Variants in DAAM1 observed in about 807,000 individuals in gnomAD.
DAAM1 encodes dishevelled associated activator of morphogenesis 1.
A neutral mutation model predicts 130.0 loss-of-function variants in DAAM1; 52 were observed. The observed-to-expected ratio is 0.40, with a 90% CI of 0.32 to 0.50. The LOEUF is 0.50. Among genes scored for constraint, DAAM1 ranks in the 20% least tolerant of loss-of-function variants. DAAM1 has a pLI of 0.61. For synonymous variants in DAAM1, 452 were observed against 444.5 expected, an observed-to-expected ratio of 1.02 and a Z score of -0.21; for missense variants, 1,134 against 1,303.8, an observed-to-expected ratio of 0.87 and a Z score of 2.01.
chr14:59,295,622 G>C (rs1382329738), intron 3 of DAAM1, among the ~76,000 whole-genome samples: 1 of 152,200 alleles, frequency 6.6e-6, no homozygotes, highest in Non-Finnish European at 1.5e-5. Context: ...TGGAGAGGCA[G>C]TAGCTTGATC....
At chr14:59,353,726 C>A in intron 18 of DAAM1, 150 bp from the exon 19 acceptor site, 1 of 726,222 alleles carries the variant, frequency 1.4e-6, no homozygotes, top group Non-Finnish European at 2.2e-6. Context: ...GTCCTGTGTT[C>A]CTGTCCATGA....
chr14:59,222,973 G>C (rs984027217), intron 1 of DAAM1, among the ~76,000 whole-genome samples: 5 of 152,220 alleles, frequency 3.3e-5, no homozygotes, highest in Admixed American at 6.5e-5. Context: ...TGTCCTTTGA[G>C]GATGTCACAG....
chr14:59,315,563 C>T (rs1289527594), intron 4 of DAAM1, among the ~76,000 whole-genome samples: 1 of 152,118 alleles, frequency 6.6e-6, no homozygotes, highest in Non-Finnish European at 1.5e-5. Context: ...ATAAAATCAG[C>T]ACACACTGCA....
At chr14:59,227,207 G>A (rs1244789728) in intron 1 of DAAM1, among the ~76,000 whole-genome samples, 1 of 90,510 alleles carries the variant, frequency 1.1e-5, no homozygotes, top group African/African-American at 3.2e-5. Flanking sequence ...CTTTCATAAA[G>A]TGACTTGTGT....
chr14:59,233,355 A>G lies in DAAM1; in HGVS notation c.-37-30086A>G, dbSNP rs1889175011. Reference sequence around the variant, plus strand: ...TCTAACTGGCAAGAGATGGTATCTCATTGTGGGTTTGATTTGCATTTCTCT... The same window carrying G: ...TCTAACTGGCAAGAGATGGTATCTCGTTGTGGGTTTGATTTGCATTTCTCT... On this transcript the variant is annotated intron_variant, in intron 1 of 24. Transcript: ENST00000360909. Among the ~76,000 whole-genome samples the G allele has an allele frequency of 2.0e-5, 3 of 152,124 alleles. No homozygotes were observed. The South Asian group carries it at 6.2e-4, about 32-fold the overall frequency.
chr14:59,197,165 C>T lies in DAAM1; in HGVS notation c.-38+8397C>T, dbSNP rs965144894. Among the ~76,000 whole-genome samples the T allele has an allele frequency of 8.5e-5, 13 of 152,342 alleles. 1 individual carries two copies. The Middle Eastern group carries it at 0.01, about 120-fold the overall frequency. ...TCGATCTCCTGACCTCGTGATCCGC[C>T]CGACTCAGCCTCCCAAAGTGCTGGG... is the stretch of plus-strand genomic sequence containing the variant. On this transcript the variant is annotated intron_variant, in intron 1 of 24. Coordinates refer to ENST00000360909, the MANE Select transcript of DAAM1 (RefSeq NM_001270520.2).
Position 59,324,200 on chromosome 14 carries a change from T to C in DAAM1, c.847T>C (p.Ser283Pro). Residue 283 changes from serine to proline, a missense_variant, in exon 7 of 25, where the codon TCC becomes CCC. Physicochemically the swap from Ser to Pro is moderately conservative, Grantham distance 74 (BLOSUM62 -1). Around this residue, in one of 3 missense-constraint regions of DAAM1, gnomAD observed 391 missense variants for 521.6 expected, o/e 0.75. Coordinates refer to ENST00000360909, the MANE Select transcript of DAAM1 (RefSeq NM_001270520.2). ...DEVSLKTAIMSFINAVLSQGA... is the reference protein window; with the variant it reads ...DEVSLKTAIMPFINAVLSQGA... Reference sequence around the variant, plus strand: ...AGTGAGTCTCAAGACTGCCATCATGTCCTTCATTAATGCAGTGCTCAGCCA... The same window carrying C: ...AGTGAGTCTCAAGACTGCCATCATGCCCTTCATTAATGCAGTGCTCAGCCA... 6.8e-7 allele frequency: 1 copy of C among 1,464,468 alleles called. No individual in the cohort carries two copies. The highest frequency in any genetic ancestry group is 1.4e-5 in the African/African-American group (1 of 70,268). 90.7% of individuals were successfully genotyped at this position (1,464,468 alleles called of 1,614,324 possible).
At chr14:59,195,901 T>C (rs1292461737) in intron 1 of DAAM1, among the ~76,000 whole-genome samples, 1 of 151,808 alleles carries the variant, frequency 6.6e-6, no homozygotes, top group Non-Finnish European at 1.5e-5. Context: ...TTTTTTAAAT[T>C]AATCATGCTT....
At chr14:59,195,490 C>T (rs944437019) in intron 1 of DAAM1, among the ~76,000 whole-genome samples, 1 of 152,032 alleles carries the variant, frequency 6.6e-6, no homozygotes, top group African/African-American at 2.4e-5. Flanking sequence ...TAGTAATAAC[C>T]TGGGTTTATT....
intron 1 of DAAM1, among the ~76,000 whole-genome samples, chr14:59,201,519 G>A (rs949805285): frequency 6.6e-6 from 1 of 152,104 alleles, no homozygotes; most frequent in Non-Finnish European, 1.5e-5. Context: ...GGAGGCTGAG[G>A]CAGGAGAATT....
chr14:59,243,661 G>T (rs1881228209), intron 1 of DAAM1, among the ~76,000 whole-genome samples: 1 of 152,150 alleles, frequency 6.6e-6, no homozygotes, highest in Non-Finnish European at 1.5e-5. Flanking sequence ...CAACAGCCTG[G>T]AGTAAGGGCA....
At chr14:59,334,673 A>G (rs529121662) in intron 15 of DAAM1, among the ~76,000 whole-genome samples, 1 of 152,356 alleles carries the variant, frequency 6.6e-6, no homozygotes, top group South Asian at 2.1e-4. Flanking sequence ...CACTTAGGGG[A>G]TATATACAAA....
At chr14:59,237,186 C>A (rs901027373) in intron 1 of DAAM1, among the ~76,000 whole-genome samples, 2 of 152,112 alleles carry the variant, frequency 1.3e-5, no homozygotes, top group Non-Finnish European at 2.9e-5. Context: ...AAGCTCAGTT[C>A]ATTTAGTTTT....
chr14:59,268,051 C>T lies in DAAM1; in HGVS notation c.183+4391C>T, dbSNP rs762619377. On this transcript the variant is annotated intron_variant, in intron 2 of 24. Transcript: ENST00000360909. The stretch of plus-strand genomic sequence containing the variant: ...CTGAGTAGCTGGGACCACAAGCACG[C>T]ACCACTGCGCCCAGCTATTTTTGTA... Among the ~76,000 whole-genome samples the T allele has an allele frequency of 1.3e-4, 20 of 151,978 alleles. 1 individual carries two copies. The highest frequency in any genetic ancestry group is 1.3e-3 in the Admixed American group (20 of 15,270).
chr14:59,363,707 T>C lies in DAAM1; in HGVS notation c.2751T>C (p.Val917=). ...AGCCCGGAGATAAGTTTGTGTCTGT[T>C]GTCAGCCAGTTCATCACAGTAGCCA... ...PPQPGDKFVS[V]VSQFITVASF... The change falls in exon 23 of 25, where the codon GTT becomes GTC. Residue 917 remains valine, a synonymous_variant. Transcript: ENST00000360909. The C allele has an allele frequency of 3.1e-6, 5 of 1,614,150 alleles. No individual in the cohort carries two copies. Among genetic ancestry groups the C allele is most frequent in the Non-Finnish European group, 4.2e-6 (5 of 1,179,998 alleles).
chr14:59,309,174 C>G (rs1162998210), intron 3 of DAAM1, among the ~76,000 whole-genome samples: 1 of 152,180 alleles, frequency 6.6e-6, no homozygotes. Context: ...TCTCCTACTA[C>G]TTTTTTGCCC....
chr14:59,347,766 T>A, intron 17 of DAAM1, 143 bp downstream of exon 17: 1 of 731,278 alleles, frequency 1.4e-6, no homozygotes, highest in South Asian at 1.9e-5. Flanking sequence ...CATGTGACTC[T>A]GTTAGGAAAC....
At chr14:59,288,860 A>AGAGAGAGAGAGAGAGAGAGAGAGC (rs1018804753) in intron 2 of DAAM1, among the ~76,000 whole-genome samples, 6 of 144,002 alleles carry the variant, frequency 4.2e-5, no homozygotes, top group African/African-American at 1.5e-4. Flanking sequence ...AGAGAGAGAG[A>AGAGAGAGAGAGAGAGAGAGAGAGC]GCGCGCGAAG....
chr14:59,258,137 C>T (rs77053366), intron 1 of DAAM1, among the ~76,000 whole-genome samples: 3 of 152,284 alleles, frequency 2.0e-5, no homozygotes, highest in East Asian at 3.9e-4. Flanking sequence ...CCCTTAGTGC[C>T]CAGCACAGTG....
Sources: gnomAD v4.1 joint callset for allele counts (sites outside exome capture counted in the v4.1 genomes callset) on GRCh38, gnomAD v4.1.1 for gene constraint, gnomAD v4.1.1 regional missense constraint, MANE v1.5 for transcripts, NCBI Gene and HGNC (gene_info 2026-07-23, HGNC 2026-07-21) for gene names.